The following MAPT variants were observed in gnomAD, a reference collection of about 807,000 sequenced individuals.
The protein encoded by MAPT is microtubule-associated protein tau.
Under a neutral mutation model 67.9 loss-of-function variants are expected in MAPT, and 34 were observed. The ratio of observed to expected loss-of-function variants is 0.50; its 90% CI spans 0.38 to 0.67. The LOEUF is 0.67. Ranked by LOEUF, MAPT falls within the 30% of genes least tolerant of loss-of-function variation. MAPT has a pLI of 0.00. For missense variants in MAPT, 881 were observed against 1,115.2 expected (o/e 0.79, Z 2.99); for synonymous variants, 456 against 464.5 (o/e 0.98, Z 0.23).
At chr17:45,962,146 G>C (rs1397187686) in intron 1 of MAPT, among the ~76,000 whole-genome samples, 175 bp from the exon 2 acceptor site, 1 of 152,170 alleles carries the variant, frequency 6.6e-6, no homozygotes, top group African/African-American at 2.4e-5. Flanking sequence ...TGTAAATAAC[G>C]CTTGGGCAGG....
intron 1 of MAPT, among the ~76,000 whole-genome samples, chr17:45,910,132 C>G (rs1322792344): frequency 6.6e-6 from 1 of 152,154 alleles, no homozygotes; most frequent in African/African-American, 2.4e-5. Flanking sequence ...TATGGGGGCA[C>G]TGGAAACACA....
intron 9 of MAPT, among the ~76,000 whole-genome samples, chr17:46,004,049 C>A (rs967625664): frequency 6.6e-6 from 1 of 152,160 alleles, no homozygotes; most frequent in Non-Finnish European, 1.5e-5. Context: ...GTGTGGGCAT[C>A]CAGTGCCCAC....
rs1171634219 is a variant in MAPT at position 45,983,176 on chromosome 17, A to T, written c.597A>T (p.Thr199=). ...PKPATTAYLH[T]EPESGKVVQE... Reference sequence around the variant, plus strand: ...CCGCCACCACTGCGTATCTCCACACAGAGCCTGAAAGTGGTAAGGTGGTCC... The same window carrying T: ...CCGCCACCACTGCGTATCTCCACACTGAGCCTGAAAGTGGTAAGGTGGTCC... The change falls in exon 5 of 13, where the codon ACA becomes ACT. Residue 199 remains threonine, a synonymous_variant. Coordinates refer to ENST00000262410, the MANE Select transcript of MAPT (RefSeq NM_001377265.1). The T allele has an allele frequency of 6.2e-7, 1 of 1,607,804 alleles. No individual in the cohort carries two copies. The highest frequency in any genetic ancestry group is 1.3e-5 in the African/African-American group (1 of 74,972).
At chr17:45,926,829 G>C (rs1343924370) in intron 1 of MAPT, among the ~76,000 whole-genome samples, 1 of 151,346 alleles carries the variant, frequency 6.6e-6, no homozygotes, top group Non-Finnish European at 1.5e-5. Context: ...ATTTCTTAAG[G>C]GTGCAGTATC....
In MAPT at chr17:45,915,576, C is replaced by T. The variant is rs62056857; in HGVS notation, c.-18+20890C>T. On this transcript the variant is annotated intron_variant, in intron 1 of 12. Coordinates refer to ENST00000262410, the MANE Select transcript of MAPT (RefSeq NM_001377265.1). This position sits in a 1 kb window ranked among gnomAD's most constrained non-coding sequence, Gnocchi z 4.4. The stretch of plus-strand genomic sequence containing the variant: ...TTGTGTGTGTGGTGCATGTGTGTGG[C>T]GTGTGAGCGTGTGTGTGCATTGTGT... Among the ~76,000 whole-genome samples the T allele has an allele frequency of 1.0e-4, 14 of 134,072 alleles. No individual in the cohort carries two copies. The East Asian group carries it at 1.4e-3, about 14-fold the overall frequency. The allele number at this position is 134,072 out of a possible 152,430, so 88.0% of individuals were successfully genotyped here.
chr17:46,015,628 C>T (rs1471457093), intron 11 of MAPT, among the ~76,000 whole-genome samples: 1 of 152,196 alleles, frequency 6.6e-6, no homozygotes, highest in Admixed American at 6.5e-5. Flanking sequence ...CACTGCACTC[C>T]AGCCTGGGCG....
chr17:45,956,859 G>A (rs1442407947), intron 1 of MAPT, among the ~76,000 whole-genome samples: 1 of 144,062 alleles, frequency 6.9e-6, no homozygotes, highest in Non-Finnish European at 1.5e-5. Flanking sequence ...TGGTTTTTTT[G>A]TCCTTGCGAT....
chr17:46,028,280 C>CACTG lies in MAPT; in HGVS notation c.*4114_*4117dup. 1 of 152,686 alleles carries CACTG rather than the reference C, an allele frequency of 6.5e-6. No homozygotes were observed. 9.5% of individuals were successfully genotyped at this position (152,686 alleles called of 1,614,324 possible). ...ATTGTGTGTTTTAACAAATGATTTA[C>CACTG]ACTGACTGTTGCTGTAAAAGTGAAT... On this transcript the variant is annotated 3_prime_UTR_variant, in exon 13 of 13. Transcript: ENST00000262410.
Position 46,010,522 on chromosome 17 carries a change from G to A in MAPT, c.2091+120G>A. On this transcript the variant is annotated intron_variant, in intron 10 of 12. Coordinates refer to ENST00000262410, the MANE Select transcript of MAPT (RefSeq NM_001377265.1). This position sits in a 1 kb window ranked among gnomAD's most constrained non-coding sequence, Gnocchi z 4.7. ...AATCCTTCTTGGGCTCTCAGGATCTGGCTGCGACCTCTGGGTGAATGTAGC... is the reference window on the plus strand; with the variant it reads ...AATCCTTCTTGGGCTCTCAGGATCTAGCTGCGACCTCTGGGTGAATGTAGC... 1.3e-6 allele frequency: 1 copy of A among 777,244 alleles called. No individual in the cohort carries two copies. Among genetic ancestry groups the A allele is most frequent in the Non-Finnish European group, 2.2e-6 (1 of 449,288 alleles). 48.1% of individuals were successfully genotyped at this position (777,244 alleles called of 1,614,324 possible). A position where few individuals can be genotyped will look rare whatever the true frequency, so the allele number is the denominator to read the frequency against.
intron 1 of MAPT, among the ~76,000 whole-genome samples, chr17:45,960,349 T>C (rs754891990): frequency 7.2e-5 from 11 of 152,180 alleles, no homozygotes; most frequent in Non-Finnish European, 1.5e-4. Flanking sequence ...GCCAGGAGGA[T>C]TGGGCTCACT....
chr17:45,928,918 G>C (rs1335155768), intron 1 of MAPT, among the ~76,000 whole-genome samples: 1 of 152,014 alleles, frequency 6.6e-6, no homozygotes, highest in African/African-American at 2.4e-5. Context: ...GGATGGTCTC[G>C]ATCTCCTGAC....
At chr17:45,987,182 G>A (rs1196605149) in intron 6 of MAPT, 87 bp downstream of exon 6, 2 of 1,277,848 alleles carry the variant, frequency 1.6e-6, no homozygotes, top group African/African-American at 1.5e-5. Context: ...CATATATAAT[G>A]TGGGGAGTAT....
chr17:45,920,628 A>T (rs1020841182), intron 1 of MAPT, among the ~76,000 whole-genome samples: 44 of 152,104 alleles, frequency 2.9e-4, no homozygotes, highest in African/African-American at 1.0e-3. Context: ...CCTTCTGCGG[A>T]TGCCAGACTG....
At chr17:45,918,992 G>A (rs1276598624) in intron 1 of MAPT, among the ~76,000 whole-genome samples, 1 of 151,812 alleles carries the variant, frequency 6.6e-6, no homozygotes, top group Admixed American at 6.6e-5. Context: ...AGCCCGGGAG[G>A]TGGAGGTTGC....
At chr17:45,970,932 G>A (rs116451447) in intron 2 of MAPT, among the ~76,000 whole-genome samples, 270 of 152,310 alleles carry the variant, frequency 1.8e-3, no homozygotes, top group African/African-American at 6.0e-3. Flanking sequence ...TGAGCATTTT[G>A]TCCCTTCCCA....
intron 9 of MAPT, among the ~76,000 whole-genome samples, chr17:45,997,138 G>T (rs954661155): frequency 3.9e-5 from 6 of 152,296 alleles, no homozygotes; most frequent in African/African-American, 9.6e-5. Flanking sequence ...TGGGGGTTCT[G>T]TTTTGATCAG....
rs1473068558 is a variant in MAPT, at chr17:46,024,223, TG to T, written c.*54del. 7.8e-6 allele frequency: 12 copies of T among 1,532,488 alleles called. No individual in the cohort carries two copies. The highest frequency in any genetic ancestry group is 1.1e-5 in the Non-Finnish European group (12 of 1,109,068). The allele number at this position is 1,532,488 out of a possible 1,614,324, so 94.9% of individuals were successfully genotyped here. A position where few individuals can be genotyped will look rare whatever the true frequency, so the allele number is the denominator to read the frequency against. Reference sequence around the variant, plus strand: ...GTGGAGAGGAGAGAATGAGAGAGTGTGGAAAAAAAAAGAATAATGACCCGGC... The same window carrying T: ...GTGGAGAGGAGAGAATGAGAGAGTGTGAAAAAAAAAGAATAATGACCCGGC... On this transcript the variant is annotated 3_prime_UTR_variant, in exon 13 of 13. Coordinates refer to ENST00000262410, the MANE Select transcript of MAPT (RefSeq NM_001377265.1).
chr17:45,895,771 C>G (rs985974547), intron 1 of MAPT: 1 of 152,434 alleles, frequency 6.6e-6, no homozygotes, highest in Non-Finnish European at 1.5e-5. Context: ...CTTTTTTTCC[C>G]CCTCGGAACG....
chr17:45,943,596 T>C (rs1271985266), intron 1 of MAPT, among the ~76,000 whole-genome samples: 2 of 152,182 alleles, frequency 1.3e-5, no homozygotes, highest in East Asian at 1.9e-4. Flanking sequence ...TTCCTTGTTG[T>C]CCCCATCTAA....
Sources: gnomAD v4.1 joint callset for allele counts (sites outside exome capture counted in the v4.1 genomes callset) on GRCh38, gnomAD v4.1.1 for gene constraint, Gnocchi (gnomAD v3.1) non-coding constraint, MANE v1.5 for transcripts, NCBI Gene and HGNC (gene_info 2026-07-23, HGNC 2026-07-21) for gene names.